Variants in GKAP1 observed in about 807,000 individuals in gnomAD.
GKAP1 encodes the protein G kinase anchoring protein 1.
A neutral mutation model predicts 56.7 loss-of-function variants in GKAP1; 31 were observed. That is an observed-to-expected ratio of 0.55 (90% confidence interval 0.41 to 0.74). The LOEUF (loss-of-function observed/expected upper bound fraction) is 0.74. GKAP1 is among the 30% of genes least tolerant of loss of function. GKAP1 has a pLI of 0.00. For missense variants in GKAP1, 364 were observed against 402.3 expected (o/e 0.90, Z 0.82); for synonymous variants, 151 against 138.6 (o/e 1.09, Z -0.63).
intron 4 of GKAP1, chr9:83,789,092 T>A (rs1484828898): frequency 2.0e-5 from 3 of 152,782 alleles, no homozygotes; most frequent in African/African-American, 7.2e-5. Context: ...AATATGCCAT[T>A]TCATGAATAT....
chr9:83,772,698 C>T (rs1564198302), intron 7 of GKAP1, among the ~76,000 whole-genome samples: 1 of 152,082 alleles, frequency 6.6e-6, no homozygotes, highest in Non-Finnish European at 1.5e-5. Flanking sequence ...AATCATGTAT[C>T]TGATAGAGGA....
At chr9:83,745,660 T>C (rs970542337) in intron 10 of GKAP1, among the ~76,000 whole-genome samples, 5 of 152,212 alleles carry the variant, frequency 3.3e-5, no homozygotes, top group Admixed American at 6.5e-5. Flanking sequence ...TAGAAATATA[T>C]CTTCTAAATA....
chr9:83,800,741 A>G (rs758376867), intron 3 of GKAP1, among the ~76,000 whole-genome samples: 1 of 152,208 alleles, frequency 6.6e-6, no homozygotes, highest in Non-Finnish European at 1.5e-5. Context: ...TTTTGTACCA[A>G]TCGCCCAGTT....
At chr9:83,814,221 T>C (rs1234532854) in intron 2 of GKAP1, among the ~76,000 whole-genome samples, 1 of 152,248 alleles carries the variant, frequency 6.6e-6, no homozygotes, top group Non-Finnish European at 1.5e-5. Flanking sequence ...TAGCATGCGT[T>C]AGGGCTTTCT....
At chr9:83,794,547 A>G (rs942672460) in intron 4 of GKAP1, among the ~76,000 whole-genome samples, 5 of 152,220 alleles carry the variant, frequency 3.3e-5, no homozygotes, top group African/African-American at 1.2e-4. Context: ...AGAACTTGCT[A>G]TTGTGCACAT....
chr9:83,772,441 G>T (rs1943778858), intron 7 of GKAP1, among the ~76,000 whole-genome samples: 1 of 152,084 alleles, frequency 6.6e-6, no homozygotes, highest in Non-Finnish European at 1.5e-5. Context: ...CTTAAAGGAA[G>T]AACTAAAACT....
At chr9:83,758,425 A>G (rs570575372) in intron 8 of GKAP1, among the ~76,000 whole-genome samples, 20 of 152,150 alleles carry the variant, frequency 1.3e-4, no homozygotes, top group Non-Finnish European at 1.8e-4. Flanking sequence ...ATTTTCCTAG[A>G]AAAACACTAT....
At chr9:83,809,085 C>CAAGCCTTATCAAGCCTTATCAAG (rs1564217201) in intron 2 of GKAP1, among the ~76,000 whole-genome samples, 3 of 152,218 alleles carry the variant, frequency 2.0e-5, no homozygotes, top group Non-Finnish European at 2.9e-5. Context: ...TCAAGACTTA[C>CAAGCCTTATCAAGCCTTATCAAG]ACCTTACACA....
chr9:83,771,877 ATT>A (rs1943768446), intron 7 of GKAP1, among the ~76,000 whole-genome samples: 1 of 152,166 alleles, frequency 6.6e-6, no homozygotes, highest in Non-Finnish European at 1.5e-5. Flanking sequence ...TATAATTATA[ATT>A]ATAATTCTAG....
chr9:83,786,852 T>A (rs1944072764), intron 5 of GKAP1, among the ~76,000 whole-genome samples: 5 of 152,152 alleles, frequency 3.3e-5, no homozygotes, highest in Admixed American at 2.6e-4. Context: ...TTACTCTATT[T>A]CTCCTCTAAG....
At chr9:83,805,487 A>G (rs977987222) in intron 3 of GKAP1, among the ~76,000 whole-genome samples, 18 of 152,284 alleles carry the variant, frequency 1.2e-4, no homozygotes, top group Admixed American at 3.9e-4. Context: ...AATAAAAAAA[A>G]AACCATGTAA....
At chr9:83,813,395 G>C (rs2131331894) in intron 2 of GKAP1, among the ~76,000 whole-genome samples, 1 of 152,202 alleles carries the variant, frequency 6.6e-6, no homozygotes, top group South Asian at 2.1e-4. Context: ...CAGGTTTTTG[G>C]TGCAGAAATC....
intron 7 of GKAP1, among the ~76,000 whole-genome samples, chr9:83,775,704 C>T (rs994905030): frequency 4.6e-5 from 7 of 151,340 alleles, no homozygotes; most frequent in African/African-American, 1.5e-4. Context: ...AGTGAAACCC[C>T]GTCTCTAATA....
At chr9:83,763,991 G>T (rs971313896) in intron 8 of GKAP1, among the ~76,000 whole-genome samples, 4 of 151,998 alleles carry the variant, frequency 2.6e-5, no homozygotes, top group African/African-American at 7.2e-5. Context: ...AGGCCTTGAG[G>T]AACCTAAGTA....
At chr9:83,771,244 G>A in intron 7 of GKAP1, among the ~76,000 whole-genome samples, 1 of 151,556 alleles carries the variant, frequency 6.6e-6, no homozygotes, top group East Asian at 2.0e-4. Context: ...TTTGTTGTTT[G>A]TTTGTTTGTT....
intron 10 of GKAP1, among the ~76,000 whole-genome samples, chr9:83,747,766 A>G (rs535776722): frequency 6.6e-6 from 1 of 151,990 alleles, no homozygotes; most frequent in East Asian, 1.9e-4. Context: ...TTTCCCGAGC[A>G]GCTGGGATTA....
intron 1 of GKAP1, 60 bp from the exon 2 acceptor site, chr9:83,817,187 C>T (rs963716870): frequency 6.6e-6 from 1 of 151,698 alleles, no homozygotes; most frequent in South Asian, 2.1e-4. Flanking sequence ...CCCGGCTCCC[C>T]GGGAGGGAGC....
At chr9:83,803,824 C>T (rs923363059) in intron 3 of GKAP1, among the ~76,000 whole-genome samples, 5 of 151,566 alleles carry the variant, frequency 3.3e-5, no homozygotes, top group African/African-American at 1.2e-4. Context: ...CTCTTCCCGG[C>T]AGCCATCCCA....
intron 8 of GKAP1, among the ~76,000 whole-genome samples, chr9:83,765,138 C>T (rs935573047): frequency 1.3e-5 from 2 of 152,168 alleles, no homozygotes; most frequent in Non-Finnish European, 2.9e-5. Flanking sequence ...GACTTGGTGC[C>T]CTGTGTCCCA....
Sources: allele counts gnomAD v4.1 joint callset (sites outside exome capture counted in the v4.1 genomes callset), GRCh38; gene constraint gnomAD v4.1.1; transcripts MANE v1.5; gene names NCBI Gene and HGNC (gene_info 2026-07-23, HGNC 2026-07-21).